The following SEC23A variants were observed in gnomAD, a reference collection of about 807,000 sequenced individuals.
SEC23A encodes the protein SEC23 homolog A, COPII component.
A neutral mutation model predicts 103.7 loss-of-function variants in SEC23A; 56 were observed. That is an observed-to-expected ratio of 0.54 (90% confidence interval 0.44 to 0.67). SEC23A has a LOEUF of 0.67. Ranked by LOEUF, SEC23A falls within the 30% of genes least tolerant of loss-of-function variation. The pLI is 0.00. For missense variants in SEC23A, 784 were observed against 936.4 expected, an observed-to-expected ratio of 0.84 and a Z score of 2.12; for synonymous variants, 281 against 293.0, an observed-to-expected ratio of 0.96 and a Z score of 0.42.
intron 15 of SEC23A, chr14:39,047,402 C>T: frequency 7.8e-7 from 1 of 1,288,856 alleles, no homozygotes; most frequent in Non-Finnish European, 1.0e-6. Context: ...TCCTGGTTCT[C>T]CAGGATCTCA....
intron 11 of SEC23A, among the ~76,000 whole-genome samples, chr14:39,064,016 T>TA (rs144006308): frequency 1.1e-5 from 1 of 92,744 alleles, no homozygotes; most frequent in African/African-American, 2.9e-5. Context: ...AAATAAAAAA[T>TA]AAAAGTATAT....
At chr14:39,092,506 A>T in intron 4 of SEC23A, 35 bp downstream of exon 4, 2 of 1,243,436 alleles carry the variant, frequency 1.6e-6, no homozygotes, top group Non-Finnish European at 2.3e-6. Context: ...TATAAATTTT[A>T]AAACTTTCTT....
chr14:39,093,720 C>T (rs1887744754), intron 2 of SEC23A, among the ~76,000 whole-genome samples: 1 of 152,186 alleles, frequency 6.6e-6, no homozygotes, highest in Non-Finnish European at 1.5e-5. Flanking sequence ...ACAATCACAA[C>T]ACTGCCCTCC....
chr14:39,089,704 CCCAG>C (rs1205333589), intron 5 of SEC23A, among the ~76,000 whole-genome samples: 1 of 152,222 alleles, frequency 6.6e-6, no homozygotes, highest in African/African-American at 2.4e-5. Context: ...CTCCTGTAGT[CCCAG>C]CACTCTGGGA....
chr14:39,094,710 T>C (rs1006819436), intron 2 of SEC23A, among the ~76,000 whole-genome samples: 2 of 151,718 alleles, frequency 1.3e-5, no homozygotes, highest in East Asian at 1.9e-4. Context: ...CATACGAAAA[T>C]ATGGAGACAG....
chr14:39,047,015 A>G (rs1885862574), intron 15 of SEC23A, among the ~76,000 whole-genome samples: 1 of 152,202 alleles, frequency 6.6e-6, no homozygotes, highest in Non-Finnish European at 1.5e-5. Flanking sequence ...ATCCCTTACT[A>G]CTTCAGTCAT....
intron 6 of SEC23A, 108 bp from the exon 7 acceptor site, chr14:39,086,014 G>T: frequency 1.0e-6 from 1 of 962,930 alleles, no homozygotes; most frequent in Non-Finnish European, 1.6e-6. Flanking sequence ...TGAACACACA[G>T]CAGACCAATG....
chr14:39,071,959 C>T lies in SEC23A; in HGVS notation c.1103+2456G>A, dbSNP rs569327158. Among the ~76,000 whole-genome samples the T allele has an allele frequency of 2.0e-5, 3 of 152,068 alleles. No homozygotes were observed. In the South Asian group the frequency reaches 6.2e-4, roughly 32 times the overall value. On this transcript the variant is annotated intron_variant, in intron 9 of 19. Coordinates refer to ENST00000307712, the MANE Select transcript of SEC23A (RefSeq NM_006364.4). The stretch of plus-strand genomic sequence containing the variant: ...CATCAAGAATGTGAGGGAGGCCGGG[C>T]GGGGTGGCTCACACCTGTAATCCCA...
At chr14:39,035,223 C>T (rs1276356489) in intron 19 of SEC23A, among the ~76,000 whole-genome samples, 2 of 152,076 alleles carry the variant, frequency 1.3e-5, no homozygotes, top group African/African-American at 2.4e-5. Flanking sequence ...AGCATAGTGA[C>T]TAAAACAGTA....
In SEC23A at chr14:39,032,543, TA is replaced by T. The variant is rs34055229; in HGVS notation, c.*695del. On this transcript the variant is annotated 3_prime_UTR_variant, in exon 20 of 20. Transcript: ENST00000307712. The stretch of plus-strand genomic sequence containing the variant: ...ACCATTTATTTTCTATCTCCCCTTT[TA>T]AAAAAACTACTGCGTTTAGTCACAT... 1 of 152,578 alleles carries T rather than the reference TA, an allele frequency of 6.6e-6. No individual in the cohort carries two copies. The highest frequency in any genetic ancestry group is 1.9e-4 in the East Asian group (1 of 5,200). The allele number at this position is 152,578 out of a possible 1,614,324, so 9.5% of individuals were successfully genotyped here. A position where few individuals can be genotyped will look rare whatever the true frequency, so the allele number is the denominator to read the frequency against.
At chr14:39,069,635 T>C (rs1195158356) in intron 9 of SEC23A, among the ~76,000 whole-genome samples, 2 of 151,816 alleles carry the variant, frequency 1.3e-5, no homozygotes, top group African/African-American at 4.8e-5. Context: ...AATTTTTGTA[T>C]TTTTGGTAGA....
rs758860585 is a variant in SEC23A, at chr14:39,091,431, T to C, written c.603+46A>G. 18 of 1,358,336 alleles carry C rather than the reference T, an allele frequency of 1.3e-5. 1 individual carries two copies. The highest frequency in any genetic ancestry group is 4.6e-5 in the East Asian group (2 of 43,590). The allele number at this position is 1,358,336 out of a possible 1,614,324, so 84.1% of individuals were successfully genotyped here. On this transcript the variant is annotated intron_variant, in intron 5 of 19. Transcript: ENST00000307712. Reference sequence around the variant, plus strand: ...TACAGAAGGCATTTATAAACATATATAGAGTAATTTTCAGATAGGTAAAAA... The same window carrying C: ...TACAGAAGGCATTTATAAACATATACAGAGTAATTTTCAGATAGGTAAAAA...
intron 3 of SEC23A, 120 bp from the exon 4 acceptor site, chr14:39,092,747 G>A: frequency 3.1e-6 from 2 of 644,856 alleles, no homozygotes; most frequent in South Asian, 4.0e-5. Flanking sequence ...TTCATTAAAT[G>A]AGAAATAATT....
chr14:39,061,805 T>G lies in SEC23A; in HGVS notation c.1465A>C (p.Ser489Arg), dbSNP rs781607651. Reference sequence around the variant, plus strand: ...GTCACTCGGATGCGTCTCTGCCCACTTGAATGCTGATACTGAGTCACAAAC... The same window carrying G: ...GTCACTCGGATGCGTCTCTGCCCACGTGAATGCTGATACTGAGTCACAAAC... ...IQFVTQYQHSSGQRRIRVTTI... is the reference protein window; with the variant it reads ...IQFVTQYQHSRGQRRIRVTTI... Residue 489 changes from serine (S) to arginine (R), a missense_variant, in exon 13 of 20, where the codon AGT (serine) becomes CGT (arginine). This residue lies in a region of SEC23A where 683 missense variants were observed against 774.2 expected (regional missense o/e 0.88). Coordinates refer to ENST00000307712, the MANE Select transcript of SEC23A (RefSeq NM_006364.4). 2 of 1,613,906 alleles carry G rather than the reference T, an allele frequency of 1.2e-6. No homozygotes were observed. The highest frequency in any genetic ancestry group is 1.7e-6 in the Non-Finnish European group (2 of 1,179,786).
At chr14:39,057,360 A>AT (rs973451051) in intron 13 of SEC23A, among the ~76,000 whole-genome samples, 20 of 151,928 alleles carry the variant, frequency 1.3e-4, no homozygotes, top group Non-Finnish European at 7.4e-5. Context: ...AAAAACAGAG[A>AT]TTTTTTTAAG....
chr14:39,054,610 T>C (rs1037070499), intron 14 of SEC23A, among the ~76,000 whole-genome samples: 1 of 151,972 alleles, frequency 6.6e-6, no homozygotes, highest in Non-Finnish European at 1.5e-5. Context: ...TAGGTGGGAC[T>C]ACAGGCACAC....
Position 39,091,587 on chromosome 14 carries a change from C to T in SEC23A, c.493G>A (p.Gly165Arg). Residue 165 changes from glycine (G) to arginine (R), a missense_variant, in exon 5 of 20, where the codon GGA becomes AGA. Physicochemically the swap from Gly to Arg is moderately radical, Grantham distance 125 (BLOSUM62 -2). This residue lies in a region of SEC23A where 683 missense variants were observed against 774.2 expected (regional missense o/e 0.88). Coordinates refer to ENST00000307712, the MANE Select transcript of SEC23A (RefSeq NM_006364.4). ...LSLLPPTALVGLITFGRMVQV... is the reference protein window; with the variant it reads ...LSLLPPTALVRLITFGRMVQV... ...ACCATTCTCCCAAAAGTAATAAGTC[C>T]AACCAAAGCTGTAGGTGGTAAAAGA... The T allele has an allele frequency of 1.2e-6, 2 of 1,613,914 alleles. No homozygotes were observed. Among genetic ancestry groups the T allele is most frequent in the Non-Finnish European group, 1.7e-6 (2 of 1,179,902 alleles).
In SEC23A at chr14:39,039,572, T is replaced by G. The variant is rs1885566834; in HGVS notation, c.2143-476A>C. 3 of 156,532 alleles carry G rather than the reference T, an allele frequency of 1.9e-5. No homozygotes were observed. The Admixed American group carries it at 1.9e-4, about 10-fold the overall frequency. The allele number at this position is 156,532 out of a possible 1,614,324, so 9.7% of individuals were successfully genotyped here. A position where few individuals can be genotyped will look rare whatever the true frequency, so the allele number is the denominator to read the frequency against. The stretch of plus-strand genomic sequence containing the variant: ...TTCTACCCACTATGGCTTATCATCA[T>G]GAAAATAATAACCAGAATAAAAGAG... On this transcript the variant is annotated intron_variant, in intron 18 of 19. Coordinates refer to ENST00000307712, the MANE Select transcript of SEC23A (RefSeq NM_006364.4).
In SEC23A at chr14:39,071,024, T is replaced by C. The variant is rs1245457836; in HGVS notation, c.1103+3391A>G. Among the ~76,000 whole-genome samples, 3 of 149,654 alleles carry C rather than the reference T, an allele frequency of 2.0e-5. 1 individual carries two copies. In the South Asian group the frequency reaches 6.4e-4, roughly 32 times the overall value. Reference sequence around the variant, plus strand: ...CTTGGGCAACAAGAGGGAAACTCCATCTCAAAAAAAGAAAAAAAAAAGACT... The same window carrying C: ...CTTGGGCAACAAGAGGGAAACTCCACCTCAAAAAAAGAAAAAAAAAAGACT... On this transcript the variant is annotated intron_variant, in intron 9 of 19. Transcript: ENST00000307712.
Sources: allele counts gnomAD v4.1 joint callset (sites outside exome capture counted in the v4.1 genomes callset), GRCh38; gene constraint gnomAD v4.1.1; regional missense constraint gnomAD v4.1.1; transcripts MANE v1.5; gene names NCBI Gene and HGNC (gene_info 2026-07-23, HGNC 2026-07-21).